The following KIF13B variants were observed in gnomAD, a reference collection of about 807,000 sequenced individuals.
KIF13B encodes the protein kinesin family member 13B.
KIF13B carries 127 observed loss-of-function variants against 222.0 expected under a neutral mutation model. That is an observed-to-expected ratio of 0.57 (90% CI 0.50 to 0.66). KIF13B has a LOEUF of 0.66. KIF13B is among the 30% of genes least tolerant of loss of function. The probability of loss-of-function intolerance (pLI) is 0.00; values close to 1 mark genes in which losing one functional copy is unlikely to be tolerated. For missense variants in KIF13B, 2,173 were observed against 2,379.0 expected (o/e 0.91, Z 1.80); for synonymous variants, 976 against 919.0 (o/e 1.06, Z -1.12).
rs1808670171 is a variant in KIF13B, at chr8:29,099,055, G to A, written c.4324+78C>T. 4 of 1,123,310 alleles carry A rather than the reference G, an allele frequency of 3.6e-6. No individual in the cohort carries two copies. The Admixed American group carries it at 5.1e-5, about 14-fold the overall frequency. The allele number at this position is 1,123,310 out of a possible 1,614,324, so 69.6% of individuals were successfully genotyped here. On this transcript the variant is annotated intron_variant, in intron 36 of 39. Coordinates refer to ENST00000524189, the MANE Select transcript of KIF13B (RefSeq NM_015254.4). ...TTATCTAGCAGAACAGTGGCTGCCT[G>A]GCAGGAAATTCTAATTTAAACTTTC...
chr8:29,177,520 G>C lies in KIF13B; in HGVS notation c.779C>G (p.Ala260Gly). The change falls in exon 9 of 40, where the codon GCA becomes GGA. Residue 260 changes from alanine to glycine, a missense_variant. Ala to Gly is a moderately conservative substitution (Grantham distance 60). This residue lies in a region of KIF13B where 1,480 missense variants were observed against 1,722.8 expected (regional missense o/e 0.86). Coordinates refer to ENST00000524189, the MANE Select transcript of KIF13B (RefSeq NM_015254.4). The stretch of plus-strand genomic sequence containing the variant: ...GTCCCCTGCAGCGCCTGTCTTCGTT[G>C]CTCGTTCACTGCCAGCTAAATCCAC... ...SLVDLAGSERATKTGAAGDRL... is the reference protein window; with the variant it reads ...SLVDLAGSERGTKTGAAGDRL... 6.2e-7 allele frequency: 1 copy of C among 1,613,864 alleles called. No individual in the cohort carries two copies. Among genetic ancestry groups the C allele is most frequent in the Non-Finnish European group, 8.5e-7 (1 of 1,179,782 alleles).
chr8:29,125,468 C>T (rs2129769481), intron 26 of KIF13B, among the ~76,000 whole-genome samples: 1 of 152,296 alleles, frequency 6.6e-6, no homozygotes, highest in South Asian at 2.1e-4. Flanking sequence ...ACTCAAATAT[C>T]ACATCCGAAG....
rs187007597 is a variant in KIF13B, at chr8:29,078,004, C to A, written c.4459-2661G>T. Among the ~76,000 whole-genome samples the A allele has an allele frequency of 8.7e-4, 132 of 151,566 alleles. 3 individuals carry two copies. The highest frequency in any genetic ancestry group is 7.8e-3 in the Admixed American group (118 of 15,156). ...GAAGCTTCAAAAGCAGAGAGGAGGC[C>A]AGGCACGGTGGTTCACGCCTATAAT... is the stretch of plus-strand genomic sequence containing the variant. On this transcript the variant is annotated intron_variant, in intron 37 of 39. Transcript: ENST00000524189.
chr8:29,137,708 T>C (rs2129900767), intron 21 of KIF13B, among the ~76,000 whole-genome samples: 1 of 152,324 alleles, frequency 6.6e-6, no homozygotes, highest in Middle Eastern at 3.4e-3. Context: ...TGCCAGTATA[T>C]GGTCTCTAAA....
At chr8:29,236,229 G>C (rs1390038537) in intron 2 of KIF13B, among the ~76,000 whole-genome samples, 2 of 152,080 alleles carry the variant, frequency 1.3e-5, no homozygotes, top group African/African-American at 2.4e-5. Context: ...AAATTGTTTA[G>C]ATATGATAAA....
At chr8:29,076,198 C>A (rs959864298) in intron 37 of KIF13B, among the ~76,000 whole-genome samples, 4 of 152,194 alleles carry the variant, frequency 2.6e-5, no homozygotes, top group African/African-American at 9.7e-5. Flanking sequence ...TGTGCTCATC[C>A]CAGAAGAAGC....
chr8:29,234,315 C>A (rs1815413323), intron 2 of KIF13B, among the ~76,000 whole-genome samples: 1 of 151,894 alleles, frequency 6.6e-6, no homozygotes, highest in Admixed American at 6.6e-5. Context: ...TTTATCCATA[C>A]AATGAAGTAT....
At chr8:29,122,051 G>C (rs1235414390) in intron 29 of KIF13B, among the ~76,000 whole-genome samples, 1 of 151,934 alleles carries the variant, frequency 6.6e-6, no homozygotes, top group Non-Finnish European at 1.5e-5. Flanking sequence ...TCAGGAGATC[G>C]AGACCATCCT....
chr8:29,144,770 G>A (rs766572159), intron 18 of KIF13B, among the ~76,000 whole-genome samples: 29 of 152,316 alleles, frequency 1.9e-4, no homozygotes, highest in Non-Finnish European at 4.1e-4. Flanking sequence ...CCAGAGAAGA[G>A]TTCACAGAAT....
rs1269928344 is a variant in KIF13B, at chr8:29,241,845, G to A, written c.149+3501C>T. On this transcript the variant is annotated intron_variant, in intron 2 of 39. Transcript: ENST00000524189. The stretch of plus-strand genomic sequence containing the variant: ...TATTGCAGTGAAATGCGAAGATTGA[G>A]ACAAAATATTTTTTTTAAAAAAGAT... 1.3e-5 allele frequency among the ~76,000 whole-genome samples: 2 copies of A among 151,708 alleles called. 1 individual carries two copies. The highest frequency in any genetic ancestry group is 4.2e-4 in the South Asian group (2 of 4,800).
chr8:29,093,911 TAA>T (rs1449957386), intron 36 of KIF13B, among the ~76,000 whole-genome samples: 1 of 151,202 alleles, frequency 6.6e-6, no homozygotes, highest in African/African-American at 2.4e-5. Context: ...ATGAGAAAAA[TAA>T]GAGAGGAGAC....
chr8:29,253,637 C>T (rs1301141877), intron 1 of KIF13B, among the ~76,000 whole-genome samples: 1 of 151,814 alleles, frequency 6.6e-6, no homozygotes, highest in Non-Finnish European at 1.5e-5. Context: ...CATAAGGCAC[C>T]TGGCCAACAT....
At chr8:29,235,133 C>CAACTTAAAATAT (rs1478062156) in intron 2 of KIF13B, among the ~76,000 whole-genome samples, 1 of 152,094 alleles carries the variant, frequency 6.6e-6, no homozygotes, top group Non-Finnish European at 1.5e-5. Context: ...AAAGAAACAT[C>CAACTTAAAATAT]AAACTTAAAA....
chr8:29,214,856 C>T (rs570440882), intron 2 of KIF13B, among the ~76,000 whole-genome samples: 2 of 152,306 alleles, frequency 1.3e-5, no homozygotes, highest in East Asian at 3.9e-4. Context: ...AATTTTTCAG[C>T]TCCTTCATAA....
chr8:29,206,242 T>C (rs1021581228), intron 2 of KIF13B, among the ~76,000 whole-genome samples: 2 of 152,114 alleles, frequency 1.3e-5, no homozygotes, highest in Admixed American at 6.5e-5. Flanking sequence ...CTGGCCAACA[T>C]AGTGAGACCT....
chr8:29,138,254 G>A (rs1369676773), intron 21 of KIF13B, among the ~76,000 whole-genome samples: 2 of 152,120 alleles, frequency 1.3e-5, no homozygotes, highest in East Asian at 3.9e-4. Context: ...AGAATCGCTT[G>A]AACCCAGGAG....
At chr8:29,151,411 G>A (rs1362253099) in intron 14 of KIF13B, among the ~76,000 whole-genome samples, 2 of 152,226 alleles carry the variant, frequency 1.3e-5, no homozygotes, top group East Asian at 3.8e-4. Context: ...GACTTCTACT[G>A]GAAGAAGATG....
intron 3 of KIF13B, among the ~76,000 whole-genome samples, chr8:29,195,464 A>T (rs1050784479): frequency 2.6e-5 from 4 of 152,188 alleles, no homozygotes; most frequent in Non-Finnish European, 5.9e-5. Flanking sequence ...CAGAGTCCCA[A>T]ACAGCCATGT....
At chr8:29,119,413 T>C (rs1049115013) in intron 29 of KIF13B, among the ~76,000 whole-genome samples, 1 of 152,182 alleles carries the variant, frequency 6.6e-6, no homozygotes, top group African/African-American at 2.4e-5. Flanking sequence ...GGGCTGGAAA[T>C]GGAAGGACTG....
Sources: gnomAD v4.1 joint callset for allele counts (sites outside exome capture counted in the v4.1 genomes callset) on GRCh38, gnomAD v4.1.1 for gene constraint, gnomAD v4.1.1 regional missense constraint, MANE v1.5 for transcripts, NCBI Gene and HGNC (gene_info 2026-07-23, HGNC 2026-07-21) for gene names.